Variants in MGAT4C observed in about 807,000 individuals in gnomAD.
MGAT4C encodes the protein alpha-1,3-mannosyl-glycoprotein 4-beta-N-acetylglucosaminyltransferase C.
Under a neutral mutation model 40.1 loss-of-function variants are expected in MGAT4C, and 19 were observed. The ratio of observed to expected loss-of-function variants is 0.47; its 90% confidence interval spans 0.33 to 0.70. MGAT4C has a LOEUF of 0.70. Ranked by LOEUF, MGAT4C falls within the 30% of genes least tolerant of loss-of-function variation. The pLI is 0.02. For synonymous variants in MGAT4C, 181 were observed against 187.1 expected (o/e 0.97, Z 0.27); for missense variants, 491 against 563.2 (o/e 0.87, Z 1.30).
At chr12:86,027,581 A>G (rs923422395) in intron 2 of MGAT4C, among the ~76,000 whole-genome samples, 1 of 151,952 alleles carries the variant, frequency 6.6e-6, no homozygotes, top group Non-Finnish European at 1.5e-5. Context: ...AATATACACT[A>G]CAAAATTATA....
chr12:86,489,046 G>T (rs573084164), intron 2 of MGAT4C, among the ~76,000 whole-genome samples: 1 of 152,110 alleles, frequency 6.6e-6, no homozygotes, highest in Non-Finnish European at 1.5e-5. Flanking sequence ...ACATCTTTTT[G>T]CCAGTCGAAT....
At chr12:86,605,343 A>G (rs1282048314) in intron 2 of MGAT4C, among the ~76,000 whole-genome samples, 2 of 152,054 alleles carry the variant, frequency 1.3e-5, no homozygotes, top group Non-Finnish European at 2.9e-5. Context: ...CATCTTTGGA[A>G]TTATGATCAT....
At chr12:86,694,354 T>G (rs1209430743) in intron 2 of MGAT4C, among the ~76,000 whole-genome samples, 6 of 152,038 alleles carry the variant, frequency 3.9e-5, no homozygotes, top group Admixed American at 3.9e-4. Context: ...TCTGTTTCCC[T>G]TAAAATAACT....
chr12:86,307,998 C>T (rs1213502026), intron 4 of MGAT4C, among the ~76,000 whole-genome samples: 6 of 150,364 alleles, frequency 4.0e-5, no homozygotes, highest in African/African-American at 2.5e-5. Context: ...CCACCGCGCC[C>T]GACCATTTGG....
At chr12:86,275,198 T>G (rs538815702) in intron 4 of MGAT4C, among the ~76,000 whole-genome samples, 1 of 152,310 alleles carries the variant, frequency 6.6e-6, no homozygotes, top group Non-Finnish European at 1.5e-5. Flanking sequence ...AATTATCAGC[T>G]GGATAATACT....
At chr12:86,049,930 C>A (rs1186127234) in intron 1 of MGAT4C, among the ~76,000 whole-genome samples, 1 of 151,836 alleles carries the variant, frequency 6.6e-6, no homozygotes, top group African/African-American at 2.4e-5. Flanking sequence ...ACAGAATAGA[C>A]ATACCTTTGT....
intron 2 of MGAT4C, among the ~76,000 whole-genome samples, chr12:86,034,335 TC>T (rs1891026053): frequency 6.7e-6 from 1 of 149,758 alleles, no homozygotes; most frequent in African/African-American, 2.4e-5. Flanking sequence ...TAGTACCCAC[TC>T]TTCTTTATAC....
chr12:86,488,801 T>C (rs1324681999), intron 2 of MGAT4C, among the ~76,000 whole-genome samples: 2 of 152,180 alleles, frequency 1.3e-5, no homozygotes, highest in East Asian at 1.9e-4. Context: ...TTAGCTGCTA[T>C]AAATGGTAGA....
rs3047014 is a variant in MGAT4C, at chr12:86,250,330, TGAGAGAGAGAGAGAGAGAGA to T, written c.-57+5889_-57+5908del. Among the ~76,000 whole-genome samples, 578 of 142,926 alleles carry T rather than the reference TGAGAGAGAGAGAGAGAGAGA, an allele frequency of 4.0e-3. 4 individuals carry two copies. Among genetic ancestry groups the T allele is most frequent in the African/African-American group, 0.015 (561 of 38,634 alleles). The allele number at this position is 142,926 out of a possible 152,430, so 93.8% of individuals were successfully genotyped here. On this transcript the variant is annotated intron_variant, in intron 1 of 4. Coordinates refer to ENST00000611864, the MANE Select transcript of MGAT4C (RefSeq NM_001351288.2). ...ACAAGCAACCTACACACACACACAC[TGAGAGAGAGAGAGAGAGAGA>T]GAGAGAGAGAGAGAGAGAGAGATTT...
chr12:86,741,583 G>A (rs781645762), intron 1 of MGAT4C, among the ~76,000 whole-genome samples: 1 of 151,310 alleles, frequency 6.6e-6, no homozygotes, highest in East Asian at 1.9e-4. Context: ...TTATATAATT[G>A]TCAAGAAGCA....
chr12:86,263,809 C>T (rs544626580), intron 4 of MGAT4C, among the ~76,000 whole-genome samples: 1 of 152,154 alleles, frequency 6.6e-6, no homozygotes, highest in South Asian at 2.1e-4. Context: ...ATGAGAGTTC[C>T]CTTTTCTCTA....
intron 1 of MGAT4C, among the ~76,000 whole-genome samples, chr12:86,244,186 G>T (rs1463099862): frequency 1.3e-5 from 2 of 152,184 alleles, no homozygotes; most frequent in Non-Finnish European, 2.9e-5. Context: ...GCTTTGCACT[G>T]TTTAATGATG....
At chr12:86,085,195 C>A (rs1871542770) in intron 1 of MGAT4C, among the ~76,000 whole-genome samples, 1 of 151,836 alleles carries the variant, frequency 6.6e-6, no homozygotes, top group South Asian at 2.1e-4. Flanking sequence ...TGTGCAGAAG[C>A]TCTTTAGTTT....
intron 4 of MGAT4C, among the ~76,000 whole-genome samples, chr12:86,316,079 CAAAAAA>C (rs71076185): frequency 2.9e-5 from 1 of 34,058 alleles, no homozygotes; most frequent in African/African-American, 1.1e-4. Flanking sequence ...ATACAAGCAG[CAAAAAA>C]AAAAAAAAAA....
intron 3 of MGAT4C, among the ~76,000 whole-genome samples, chr12:85,984,155 A>T (rs368922334): frequency 6.6e-6 from 1 of 152,320 alleles, no homozygotes; most frequent in African/African-American, 2.4e-5. Context: ...TTTAGGAATG[A>T]TTAGGAAGAT....
At chr12:86,755,068 A>G (rs1951279652) in intron 1 of MGAT4C, among the ~76,000 whole-genome samples, 1 of 152,166 alleles carries the variant, frequency 6.6e-6, no homozygotes, top group South Asian at 2.1e-4. Context: ...CTGTGAAGGC[A>G]TTGTGCAGAT....
chr12:86,428,523 G>A (rs1433937937), intron 3 of MGAT4C, among the ~76,000 whole-genome samples: 1 of 152,128 alleles, frequency 6.6e-6, no homozygotes, highest in Non-Finnish European at 1.5e-5. Flanking sequence ...TCTCCTCTTC[G>A]ACTTTTTGAG....
intron 1 of MGAT4C, among the ~76,000 whole-genome samples, chr12:86,154,607 G>C (rs1219788394): frequency 6.6e-6 from 1 of 152,154 alleles, no homozygotes; most frequent in Non-Finnish European, 1.5e-5. Flanking sequence ...CCTGTGCACA[G>C]TGAATCTGCC....
chr12:86,674,466 T>C (rs991391631), intron 2 of MGAT4C, among the ~76,000 whole-genome samples: 3 of 152,054 alleles, frequency 2.0e-5, no homozygotes, highest in Admixed American at 6.6e-5. Context: ...GAGGGCGAGA[T>C]GGGAGAATCA....
Sources: gnomAD v4.1 joint callset for allele counts (sites outside exome capture counted in the v4.1 genomes callset) on GRCh38, gnomAD v4.1.1 for gene constraint, MANE v1.5 for transcripts, NCBI Gene and HGNC (gene_info 2026-07-23, HGNC 2026-07-21) for gene names.